KLF8: variants seen among roughly 807,000 people sequenced by gnomAD.
KLF8 encodes the protein Krueppel-like factor 8.
Under a neutral mutation model 18.2 loss-of-function variants are expected in KLF8, and 10 were observed. The ratio of observed to expected loss-of-function variants is 0.55; its 90% CI spans 0.34 to 0.93. The LOEUF (loss-of-function observed/expected upper bound fraction) is 0.93. Ranked by LOEUF, KLF8 falls within the 40% of genes least tolerant of loss-of-function variation. The pLI is 0.02. For synonymous variants in KLF8, 109 were observed against 97.3 expected, an observed-to-expected ratio of 1.12 and a Z score of -0.71; for missense variants, 264 against 277.9, an observed-to-expected ratio of 0.95 and a Z score of 0.36.
At chrX:56,074,896 A>C in the KLF8 span, 1 of 112,139 alleles carries the variant, frequency 8.9e-6, no homozygotes, top group Non-Finnish European at 1.9e-5. Flanking sequence ...AATGACTTAC[A>C]TTTTCCAATC....
the KLF8 span, among the ~76,000 whole-genome samples, chrX:55,970,022 T>C: frequency 9.0e-6 from 1 of 110,880 alleles, no homozygotes; most frequent in African/African-American, 3.3e-5. Context: ...ACTCATATTA[T>C]TTCTACTGAA....
chrX:56,187,051 CA>C, the KLF8 span, among the ~76,000 whole-genome samples: 2 of 110,662 alleles, frequency 1.8e-5, no homozygotes, highest in African/African-American at 3.3e-5. Flanking sequence ...GAAAGAGAGA[CA>C]AAAAACCCTT....
At chrX:56,037,962 C>T in the KLF8 span, among the ~76,000 whole-genome samples, 1 of 111,727 alleles carries the variant, frequency 9.0e-6, no homozygotes, top group African/African-American at 3.2e-5. Flanking sequence ...CCCACCTCCC[C>T]ACCACTTCCA....
the KLF8 span, among the ~76,000 whole-genome samples, chrX:56,041,545 CCTT>C: frequency 9.2e-6 from 1 of 108,377 alleles, no homozygotes; most frequent in African/African-American, 3.4e-5. Context: ...GTCTCTATCT[CCTT>C]CAGTTTAGCT....
chrX:55,941,748 C>T, the KLF8 span, among the ~76,000 whole-genome samples: 18 of 111,811 alleles, frequency 1.6e-4, no homozygotes, highest in African/African-American at 3.6e-4. Flanking sequence ...TTTATGCAGC[C>T]GAAAGACACA....
the KLF8 span, among the ~76,000 whole-genome samples, chrX:56,173,691 T>G: frequency 9.0e-6 from 1 of 111,685 alleles, no homozygotes; most frequent in East Asian, 2.8e-4. Flanking sequence ...ACCTTGGGCA[T>G]TATGGCCATT....
chrX:56,022,090 T>C, the KLF8 span, among the ~76,000 whole-genome samples: 3 of 111,202 alleles, frequency 2.7e-5, no homozygotes, highest in Non-Finnish European at 3.8e-5. Flanking sequence ...AAGATTACAG[T>C]CTGGTGTGTC....
chrX:56,223,217 A>G, the KLF8 span, among the ~76,000 whole-genome samples: 2 of 112,921 alleles, frequency 1.8e-5, no homozygotes, highest in African/African-American at 6.4e-5. Flanking sequence ...CTCTGCCTCA[A>G]TTTTCTCCTC....
chrX:56,080,336 C>G, the KLF8 span, among the ~76,000 whole-genome samples: 2 of 111,263 alleles, frequency 1.8e-5, no homozygotes, highest in South Asian at 7.7e-4. Flanking sequence ...TCTTGCAAGG[C>G]AGACCTGGTG....
intron 1 of KLF8, among the ~76,000 whole-genome samples, chrX:56,244,915 C>A (rs2066602134): frequency 1.3e-5 from 1 of 77,843 alleles, no homozygotes. Context: ...ATGTGTTCTT[C>A]TTTTAGCAGA....
chrX:56,077,649 G>A, the KLF8 span, among the ~76,000 whole-genome samples: 9,012 of 111,146 alleles, frequency 0.081, 901 homozygotes, highest in African/African-American at 0.28. Context: ...CCATATGAAC[G>A]TTAAAGTAGT....
At chrX:56,026,490 G>A in the KLF8 span, among the ~76,000 whole-genome samples, 1 of 111,629 alleles carries the variant, frequency 9.0e-6, no homozygotes, top group East Asian at 2.8e-4. Flanking sequence ...CTTAGAGGGG[G>A]TGCACCTAAT....
the KLF8 span, among the ~76,000 whole-genome samples, chrX:55,928,513 A>G: frequency 1.8e-5 from 2 of 110,959 alleles, no homozygotes; most frequent in Non-Finnish European, 3.8e-5. Flanking sequence ...TCCCTCCCCT[A>G]GTGCTCCACC....
the KLF8 span, among the ~76,000 whole-genome samples, chrX:56,183,984 C>T: frequency 1.5e-4 from 17 of 111,042 alleles, no homozygotes; most frequent in East Asian, 4.6e-3. Flanking sequence ...TCTGAGGTAC[C>T]AGGATCATCT....
At chrX:56,202,920 T>G in the KLF8 span, among the ~76,000 whole-genome samples, 8 of 111,478 alleles carry the variant, frequency 7.2e-5, no homozygotes, top group Non-Finnish European at 1.5e-4. Context: ...TATACTGATT[T>G]CATTTCTTTT....
At chrX:55,975,164 A>T in the KLF8 span, among the ~76,000 whole-genome samples, 1 of 111,427 alleles carries the variant, frequency 9.0e-6, no homozygotes, top group African/African-American at 3.3e-5. Context: ...CCTCTGTGAG[A>T]TGATTACATT....
the KLF8 span, among the ~76,000 whole-genome samples, chrX:56,068,328 C>T: frequency 1.8e-5 from 2 of 110,445 alleles, no homozygotes; most frequent in Admixed American, 1.9e-4. Context: ...GCTTCTGGCC[C>T]GACAGCCCAC....
At chrX:56,227,667 A>G (rs1220869876), upstream of KLF8, among the ~76,000 whole-genome samples, 1 of 111,402 alleles carries the variant, frequency 9.0e-6, no homozygotes, top group Non-Finnish European at 1.9e-5. Context: ...TTGTATACAC[A>G]ATAGACTCTT....
At chrX:55,948,107 G>A in the KLF8 span, among the ~76,000 whole-genome samples, 1 of 112,151 alleles carries the variant, frequency 8.9e-6, no homozygotes, top group East Asian at 2.8e-4. Flanking sequence ...TTGCAAACAG[G>A]TTTATTTTTT....
Sources: allele counts gnomAD v4.1 joint callset (sites outside exome capture counted in the v4.1 genomes callset), GRCh38; gene constraint gnomAD v4.1.1; transcripts MANE v1.5; gene names NCBI Gene and HGNC (gene_info 2026-07-23, HGNC 2026-07-21).